The following ZNF773 variants were observed in gnomAD, a reference collection of about 807,000 sequenced individuals.
ZNF773 encodes zinc finger protein 773.
Under a neutral mutation model 12.8 loss-of-function variants are expected in ZNF773, and 11 were observed. That is an observed-to-expected ratio of 0.86 (90% confidence interval 0.54 to 1.42). ZNF773 has a LOEUF of 1.42. Among genes scored for constraint, ZNF773 ranks in the 40% most tolerant of loss-of-function variants. The probability of loss-of-function intolerance (pLI) is 0.00; values close to 1 mark genes in which losing one functional copy is unlikely to be tolerated. For synonymous variants in ZNF773, 175 were observed against 178.4 expected (o/e 0.98, Z 0.15); for missense variants, 518 against 527.2 (o/e 0.98, Z 0.17).
intron 3 of ZNF773, 151 bp from the exon 4 acceptor site, chr19:57,506,207 T>C: frequency 7.7e-7 from 1 of 1,291,196 alleles, no homozygotes; most frequent in South Asian, 1.5e-5. Context: ...GGTTCAGCAC[T>C]GCACAGCAGG....
downstream of ZNF773, among the ~76,000 whole-genome samples, chr19:57,511,978 A>G (rs2089799607): frequency 6.6e-6 from 1 of 152,218 alleles, no homozygotes; most frequent in Non-Finnish European, 1.5e-5. Flanking sequence ...AAAAGAATGC[A>G]GATCACTGGT....
Position 57,507,352 on chromosome 19 carries a change from A to G in ZNF773, c.1257A>G (p.Glu419=). Residue 419 remains glutamate (E), a synonymous_variant, in exon 4 of 4, where the codon GAA becomes GAG. Transcript: ENST00000282292. ...HTGAKPYECR[E]CGKFFRHSSS... ...GAGCAAAGCCTTATGAGTGCAGGGA[A>G]TGTGGGAAATTTTTTCGCCACAGCT... 2 of 1,613,316 alleles carry G rather than the reference A, an allele frequency of 1.2e-6. No individual in the cohort carries two copies. Among genetic ancestry groups the G allele is most frequent in the Admixed American group, 1.7e-5 (1 of 59,822 alleles).
downstream of ZNF773, among the ~76,000 whole-genome samples, chr19:57,511,046 A>AT (rs2089790000): frequency 7.1e-6 from 1 of 140,494 alleles, no homozygotes; most frequent in African/African-American, 2.6e-5. Flanking sequence ...ATTTTATTTT[A>AT]TTTTATTTAT....
chr19:57,512,989 T>C, downstream of ZNF773: 2 of 1,524,978 alleles, frequency 1.3e-6, no homozygotes, highest in Non-Finnish European at 8.8e-7. Flanking sequence ...GATCTTTTTG[T>C]CTTCATTTCT....
rs2089750374 is a variant in ZNF773, at chr19:57,507,243, G to A, written c.1148G>A (p.Gly383Glu). ...SLMQHRKVHTGEKPFKCNECG... is the reference protein window; with the variant it reads ...SLMQHRKVHTEEKPFKCNECG... ...ATGCAACATCGAAAAGTTCACACTG[G>A]AGAAAAACCTTTTAAGTGCAATGAA... The change falls in exon 4 of 4, where the codon GGA (glycine) becomes GAA (glutamate). Residue 383 changes from glycine (G) to glutamate (E), a missense_variant. Coordinates refer to ENST00000282292, the MANE Select transcript of ZNF773 (RefSeq NM_198542.3). The A allele has an allele frequency of 1.2e-6, 2 of 1,610,952 alleles. No homozygotes were observed. The highest frequency in any genetic ancestry group is 8.5e-7 in the Non-Finnish European group (1 of 1,177,826).
At chr19:57,512,998 C>T, downstream of ZNF773, 1 of 1,537,076 alleles carries the variant, frequency 6.5e-7, no homozygotes, top group Non-Finnish European at 8.7e-7. Context: ...GTCTTCATTT[C>T]TGCATTTGTC....
intron 1 of ZNF773, 96 bp from the exon 2 acceptor site, chr19:57,504,561 G>A (rs2089705810): frequency 2.6e-6 from 4 of 1,549,770 alleles, no homozygotes; most frequent in African/African-American, 1.4e-5. Flanking sequence ...CTGAGATGGG[G>A]ATTAAGGAAG....
Position 57,507,330 on chromosome 19 carries a change from C to G in ZNF773, c.1235C>G (p.Ala412Gly). The stretch of plus-strand genomic sequence containing the variant: ...AAACATCAGAGGGTTCACACTGGAG[C>G]AAAGCCTTATGAGTGCAGGGAATGT... ...LVKHQRVHTG[A>G]KPYECRECGK... The change falls in exon 4 of 4, where the codon GCA (alanine) becomes GGA (glycine). Residue 412 changes from alanine to glycine, a missense_variant. Transcript: ENST00000282292. 1 of 1,613,940 alleles carries G rather than the reference C, an allele frequency of 6.2e-7. No homozygotes were observed. The highest frequency in any genetic ancestry group is 8.5e-7 in the Non-Finnish European group (1 of 1,179,984).
downstream of ZNF773, among the ~76,000 whole-genome samples, chr19:57,509,607 C>T (rs1320281086): frequency 3.9e-5 from 6 of 152,318 alleles, no homozygotes; most frequent in South Asian, 6.2e-4. Context: ...CCTGACAAAT[C>T]ACCACAAACT....
rs374206741 is a variant in ZNF773 at position 57,504,734 on chromosome 19, G to C, written c.111G>C (p.Arg37Ser). 7.4e-6 allele frequency: 12 copies of C among 1,613,784 alleles called. No homozygotes were observed. Among genetic ancestry groups the C allele is most frequent in the African/African-American group, 4.0e-5 (3 of 74,954 alleles). Residue 37 changes from arginine (R) to serine (S), a missense_variant, in exon 2 of 4, where the codon AGG becomes AGC. Coordinates refer to ENST00000282292, the MANE Select transcript of ZNF773 (RefSeq NM_198542.3). Reference protein sequence around the residue: ...EEWRLLDDAQRLLYRNVMLEN... With the variant: ...EEWRLLDDAQSLLYRNVMLEN... ...GGAGATTGCTTGATGACGCTCAGAG[G>C]CTCCTCTACCGCAATGTGATGCTGG...
chr19:57,505,820 C>T (rs1322851319), intron 3 of ZNF773, among the ~76,000 whole-genome samples: 5 of 151,192 alleles, frequency 3.3e-5, no homozygotes, highest in Non-Finnish European at 5.9e-5. Flanking sequence ...ATGCCATTCT[C>T]CTGCCTCAGC....
At position 57,506,712 on chromosome 19, in the gene ZNF773, T is replaced by C. The variant is rs1315369262; in HGVS notation, c.617T>C (p.Leu206Pro). ...CGKAFGQKYLLVQHQRLHTGE... is the reference protein window; with the variant it reads ...CGKAFGQKYLPVQHQRLHTGE... ...AAAGCCTTTGGTCAGAAATATTTACTTGTTCAGCACCAGAGACTGCACACT... is the reference window on the plus strand; with the variant it reads ...AAAGCCTTTGGTCAGAAATATTTACCTGTTCAGCACCAGAGACTGCACACT... The change falls in exon 4 of 4, where the codon CTT becomes CCT. Residue 206 changes from leucine to proline, a missense_variant. Physicochemically the swap from Leu to Pro is moderately conservative, Grantham distance 98. Coordinates refer to ENST00000282292, the MANE Select transcript of ZNF773 (RefSeq NM_198542.3). The C allele has an allele frequency of 6.2e-7, 1 of 1,614,212 alleles. No homozygotes were observed. The highest frequency in any genetic ancestry group is 8.5e-7 in the Non-Finnish European group (1 of 1,180,038).
downstream of ZNF773, among the ~76,000 whole-genome samples, chr19:57,510,972 T>C (rs535948947): frequency 6.6e-6 from 1 of 152,110 alleles, no homozygotes; most frequent in East Asian, 1.9e-4. Flanking sequence ...AATTTACAAA[T>C]GTATTCTAAA....
At position 57,500,100 on chromosome 19, in the gene ZNF773, G is replaced by A; in HGVS notation, c.20G>A (p.Arg7Lys). ...GCTCCGATGGCGGCGGCCACGCTGAGGGACCCCGCTCAGGTGAGCGCCGCG... is the reference window on the plus strand; with the variant it reads ...GCTCCGATGGCGGCGGCCACGCTGAAGGACCCCGCTCAGGTGAGCGCCGCG... MAAATL[R>K]DPAQQGYVTF... The change falls in exon 1 of 4, where the codon AGG becomes AAG. Residue 7 changes from arginine to lysine, a missense_variant. By Grantham distance (26) the Arg-to-Lys change is conservative. Coordinates refer to ENST00000282292, the MANE Select transcript of ZNF773 (RefSeq NM_198542.3). The A allele has an allele frequency of 6.2e-7, 1 of 1,605,732 alleles. No homozygotes were observed. Among genetic ancestry groups the A allele is most frequent in the Non-Finnish European group, 8.5e-7 (1 of 1,177,666 alleles).
At chr19:57,510,435 T>C (rs888318109), downstream of ZNF773, among the ~76,000 whole-genome samples, 2 of 152,222 alleles carry the variant, frequency 1.3e-5, no homozygotes, top group African/African-American at 4.8e-5. Flanking sequence ...ATTTGATATA[T>C]ATGTGATCAA....
At chr19:57,501,683 T>C (rs1266779303) in intron 1 of ZNF773, among the ~76,000 whole-genome samples, 2 of 152,192 alleles carry the variant, frequency 1.3e-5, no homozygotes, top group Non-Finnish European at 2.9e-5. Flanking sequence ...GGGGCTTGGA[T>C]GATCCTTTGG....
Position 57,503,689 on chromosome 19 carries a change from C to T in ZNF773, c.34-968C>T, listed in dbSNP as rs1193583152. On this transcript the variant is annotated intron_variant, in intron 1 of 3. Transcript: ENST00000282292. ...TTTTTTTTTTTAAGATGGAATTTTG[C>T]TCTTGTTGCCTAGACTAGAGCGCAA... Among the ~76,000 whole-genome samples the T allele has an allele frequency of 3.5e-5, 5 of 144,190 alleles. No homozygotes were observed. In the East Asian group the frequency reaches 8.1e-4, roughly 24 times the overall value. 94.6% of individuals were successfully genotyped at this position (144,190 alleles called of 152,430 possible). A position where few individuals can be genotyped will look rare whatever the true frequency, so the allele number is the denominator to read the frequency against.
At chr19:57,515,736 CAG>C (rs1290278773), downstream of ZNF773, 1 of 152,146 alleles carries the variant, frequency 6.6e-6, no homozygotes, top group African/African-American at 2.4e-5. Flanking sequence ...ACTCATAAAA[CAG>C]AAATTCCTTA....
At position 57,507,040 on chromosome 19, in the gene ZNF773, C is replaced by T; in HGVS notation, c.945C>T (p.Asn315=). The T allele has an allele frequency of 6.2e-7, 1 of 1,613,980 alleles. No individual in the cohort carries two copies. The highest frequency in any genetic ancestry group is 8.5e-7 in the Non-Finnish European group (1 of 1,179,998). ...CSECGKLFSF[N]SSLMKHQRVH... is the part of the protein sequence containing the mutation. ...AATGTGGAAAATTGTTTAGTTTCAA[C>T]TCCAGCCTCATGAAACATCAGAGAG... Residue 315 remains asparagine (N), a synonymous_variant, in exon 4 of 4, where the codon AAC becomes AAT. Coordinates refer to ENST00000282292, the MANE Select transcript of ZNF773 (RefSeq NM_198542.3).
Sources: allele counts gnomAD v4.1 joint callset (sites outside exome capture counted in the v4.1 genomes callset), GRCh38; gene constraint gnomAD v4.1.1; transcripts MANE v1.5; gene names NCBI Gene and HGNC (gene_info 2026-07-23, HGNC 2026-07-21).